HLF: variants seen among roughly 807,000 people sequenced by gnomAD.
HLF encodes HLF transcription factor, PAR bZIP family member, also known as hepatic leukemia factor.
Under a neutral mutation model 22.6 loss-of-function variants are expected in HLF, and 3 were observed. The ratio of observed to expected loss-of-function variants is 0.13; its 90% CI spans 0.06 to 0.34. The LOEUF (loss-of-function observed/expected upper bound fraction) is 0.34. Ranked by LOEUF, HLF falls within the 10% of genes least tolerant of loss-of-function variation. The pLI is 1.00. For missense variants in HLF, 299 were observed against 389.2 expected, an observed-to-expected ratio of 0.77 and a Z score of 1.95; for synonymous variants, 151 against 151.8, an observed-to-expected ratio of 0.99 and a Z score of 0.04.
intron 1 of HLF, 32 bp from the exon 2 acceptor site, chr17:55,267,715 CTTTT>C: frequency 7.1e-7 from 1 of 1,403,476 alleles, no homozygotes; most frequent in South Asian, 1.4e-5. Context: ...TCTTTTCTTT[CTTTT>C]TTTTTAAGTC....
intron 2 of HLF, among the ~76,000 whole-genome samples, chr17:55,292,180 G>T (rs1402111439): frequency 6.6e-6 from 1 of 152,236 alleles, no homozygotes; most frequent in Non-Finnish European, 1.5e-5. Flanking sequence ...GGTTTGAGAG[G>T]ATCGACTCCA....
chr17:55,311,920 C>G (rs1904847047), intron 2 of HLF, among the ~76,000 whole-genome samples: 1 of 152,172 alleles, frequency 6.6e-6, no homozygotes, highest in African/African-American at 2.4e-5. Context: ...TGAAAACATG[C>G]AGTATTTGGT....
chr17:55,305,059 G>A (rs1904479585), intron 2 of HLF, among the ~76,000 whole-genome samples: 1 of 152,184 alleles, frequency 6.6e-6, no homozygotes, highest in African/African-American at 2.4e-5. Flanking sequence ...ATAGTTTAAG[G>A]GCATAGATAT....
At chr17:55,295,772 G>A (rs542327048) in intron 2 of HLF, among the ~76,000 whole-genome samples, 3 of 152,320 alleles carry the variant, frequency 2.0e-5, no homozygotes, top group South Asian at 4.1e-4. Flanking sequence ...GCTGATGGCT[G>A]CCTGCCTTTG....
In HLF at chr17:55,324,848, G is replaced by A. The variant is rs1905405707; in HGVS notation, c.*3969G>A. 8.6e-6 allele frequency: 2 copies of A among 232,538 alleles called. No homozygotes were observed. Among genetic ancestry groups the A allele is most frequent in the Non-Finnish European group, 8.5e-6 (1 of 117,600 alleles). The allele number at this position is 232,538 out of a possible 1,614,324, so 14.4% of individuals were successfully genotyped here. A position where few individuals can be genotyped will look rare whatever the true frequency, so the allele number is the denominator to read the frequency against. On this transcript the variant is annotated 3_prime_UTR_variant, in exon 4 of 4. Transcript: ENST00000226067. ...GTGTGTGTATGTGTGTGAATAAGTC[G>A]ACATAAAGTCTTTAATTTTGAGCAC... is the stretch of plus-strand genomic sequence containing the variant.
chr17:55,265,587 C>T lies in HLF; in HGVS notation c.103C>T (p.His35Tyr), dbSNP rs200223981. ...LLENPLKLPLHHEDAFSKDKD... is the reference protein window; with the variant it reads ...LLENPLKLPLYHEDAFSKDKD... ...GGAGAACCCGCTGAAGCTCCCCCTT[C>T]ACCACGAAGACGGTGAGCGCTGCCG... The change falls in exon 1 of 4, where the codon CAC becomes TAC. Residue 35 changes from histidine to tyrosine, a missense_variant. Around this residue, in one of 3 missense-constraint regions of HLF, gnomAD observed 72 missense variants for 74.0 expected, o/e 0.97. Coordinates refer to ENST00000226067, the MANE Select transcript of HLF (RefSeq NM_002126.5). 40 of 1,596,704 alleles carry T rather than the reference C, an allele frequency of 2.5e-5. No homozygotes were observed. Among genetic ancestry groups the T allele is most frequent in the Non-Finnish European group, 3.2e-5 (37 of 1,170,612 alleles).
At chr17:55,303,738 G>T (rs115841327) in intron 2 of HLF, among the ~76,000 whole-genome samples, 251 of 152,230 alleles carry the variant, frequency 1.6e-3, no homozygotes, top group African/African-American at 5.9e-3. Context: ...GGCATGCACG[G>T]TTATCTCTCT....
intron 3 of HLF, among the ~76,000 whole-genome samples, chr17:55,316,764 A>G (rs891143619): frequency 2.0e-5 from 3 of 152,212 alleles, no homozygotes; most frequent in African/African-American, 7.2e-5. Flanking sequence ...TGACAAATCA[A>G]TGGCTGTCAC....
rs779026540 is a variant in HLF, at chr17:55,267,927, C to T, written c.292C>T (p.Pro98Ser). 19 of 1,613,860 alleles carry T rather than the reference C, an allele frequency of 1.2e-5. No individual in the cohort carries two copies. Among genetic ancestry groups the T allele is most frequent in the Admixed American group, 1.7e-5 (1 of 59,990 alleles). Reference sequence around the variant, plus strand: ...GGAGTTTTTGTCAGAAAATGGCATTCCCCCCAGCCCATCTCAGCATGACCA... The same window carrying T: ...GGAGTTTTTGTCAGAAAATGGCATTTCCCCCAGCCCATCTCAGCATGACCA... ...LEEFLSENGIPPSPSQHDHSP... is the reference protein window; with the variant it reads ...LEEFLSENGISPSPSQHDHSP... Residue 98 changes from proline to serine, a missense_variant, in exon 2 of 4, where the codon CCC becomes TCC. Pro to Ser is a moderately conservative substitution (Grantham distance 74). Around this residue, in one of 3 missense-constraint regions of HLF, gnomAD observed 224 missense variants for 298.1 expected, o/e 0.75. Transcript: ENST00000226067.
chr17:55,288,808 C>A, intron 2 of HLF: 1 of 405,262 alleles, frequency 2.5e-6, no homozygotes, highest in Non-Finnish European at 3.3e-6. Flanking sequence ...AGAGTGTTTT[C>A]AGAGAAGAGG....
intron 2 of HLF, among the ~76,000 whole-genome samples, chr17:55,280,656 AGTT>A (rs113916150): frequency 0.19 from 29,110 of 152,034 alleles, 2,881 homozygotes; most frequent in South Asian, 0.22. Flanking sequence ...GCTGTCCTCT[AGTT>A]GTTGTTGATG....
chr17:55,310,604 A>C (rs547625341), intron 2 of HLF, among the ~76,000 whole-genome samples: 1 of 152,284 alleles, frequency 6.6e-6, no homozygotes, highest in African/African-American at 2.4e-5. Flanking sequence ...CTTTCTTCTC[A>C]TTGTCTTGCA....
At chr17:55,265,873 G>C in intron 1 of HLF, 1 of 1,220,282 alleles carries the variant, frequency 8.2e-7, no homozygotes, top group Non-Finnish European at 1.0e-6. Flanking sequence ...CGGGTGGGAG[G>C]TGTAACTTGA....
At chr17:55,302,564 G>C (rs2145351454) in intron 2 of HLF, among the ~76,000 whole-genome samples, 1 of 152,302 alleles carries the variant, frequency 6.6e-6, no homozygotes, top group Non-Finnish European at 1.5e-5. Flanking sequence ...TTTGTTTGCA[G>C]TTCACAGGGG....
intron 3 of HLF, chr17:55,319,190 A>C (rs1043531175): frequency 2.0e-5 from 3 of 152,222 alleles, no homozygotes; most frequent in African/African-American, 7.2e-5. Context: ...CACAGTTTCT[A>C]TCCCACACTT....
chr17:55,300,489 G>C (rs2081147420), intron 2 of HLF, among the ~76,000 whole-genome samples: 1 of 152,154 alleles, frequency 6.6e-6, no homozygotes, highest in Admixed American at 6.5e-5. Flanking sequence ...CATGCTCTAG[G>C]CTTCTTCATC....
chr17:55,313,795 C>T (rs1374054644), intron 2 of HLF, among the ~76,000 whole-genome samples: 2 of 152,126 alleles, frequency 1.3e-5, no homozygotes, highest in Non-Finnish European at 2.9e-5. Flanking sequence ...GCCAGCACCT[C>T]AGGGCCCATC....
At chr17:55,316,921 G>A (rs1450631832) in intron 3 of HLF, among the ~76,000 whole-genome samples, 1 of 151,188 alleles carries the variant, frequency 6.6e-6, no homozygotes, top group Admixed American at 6.6e-5. Context: ...TCAATGAGAT[G>A]CCTTTCCTAG....
At chr17:55,315,541 G>A in intron 3 of HLF, 94 bp downstream of exon 3, 1 of 881,162 alleles carries the variant, frequency 1.1e-6, no homozygotes, top group Non-Finnish European at 1.8e-6. Context: ...CCAGAAGCTA[G>A]TGCATGAAGG....
Sources: gnomAD v4.1 joint callset for allele counts (sites outside exome capture counted in the v4.1 genomes callset) on GRCh38, gnomAD v4.1.1 for gene constraint, gnomAD v4.1.1 regional missense constraint, MANE v1.5 for transcripts, NCBI Gene and HGNC (gene_info 2026-07-23, HGNC 2026-07-21) for gene names.